Variants in CFAP299 observed in about 807,000 individuals in gnomAD.
CFAP299 encodes cilia- and flagella-associated protein 299.
Under a neutral mutation model 27.0 loss-of-function variants are expected in CFAP299, and 21 were observed. That is an observed-to-expected ratio of 0.78 (90% CI 0.55 to 1.12). The LOEUF (loss-of-function observed/expected upper bound fraction) is 1.12. Among genes scored for constraint, CFAP299 ranks in the 50% most tolerant of loss-of-function variants. The pLI is 0.00. For synonymous variants in CFAP299, 104 were observed against 98.1 expected (o/e 1.06, Z -0.36); for missense variants, 310 against 276.6 (o/e 1.12, Z -0.86).
intron 3 of CFAP299, among the ~76,000 whole-genome samples, chr4:80,813,695 T>G: frequency 6.6e-6 from 1 of 151,950 alleles, no homozygotes; most frequent in Non-Finnish European, 1.5e-5. Flanking sequence ...ACATAAATTT[T>G]GGGTGAGGAA....
chr4:80,914,558 C>A (rs913414769), intron 4 of CFAP299, among the ~76,000 whole-genome samples: 1 of 152,130 alleles, frequency 6.6e-6, no homozygotes, highest in African/African-American at 2.4e-5. Context: ...TGGAGGAAAA[C>A]GCCTCCCCAT....
chr4:80,650,895 A>G (rs1245734558), intron 3 of CFAP299, among the ~76,000 whole-genome samples: 2 of 152,086 alleles, frequency 1.3e-5, no homozygotes, highest in Non-Finnish European at 2.9e-5. Context: ...ATATAAGACT[A>G]CAAACTGGGT....
chr4:80,795,204 C>T (rs1335338303), intron 3 of CFAP299, among the ~76,000 whole-genome samples: 1 of 152,188 alleles, frequency 6.6e-6, no homozygotes, highest in Non-Finnish European at 1.5e-5. Flanking sequence ...ATCCACATAC[C>T]TATTCTCCAA....
chr4:80,862,182 C>T (rs1343923880), intron 3 of CFAP299, among the ~76,000 whole-genome samples: 3 of 152,086 alleles, frequency 2.0e-5, no homozygotes, highest in Non-Finnish European at 4.4e-5. Flanking sequence ...CCAGCCTAGT[C>T]AACATGGTGA....
rs61132710 is a variant in CFAP299 at position 80,885,343 on chromosome 4, G to C, written c.476+15208G>C. Among the ~76,000 whole-genome samples the C allele has an allele frequency of 4.6e-3, 700 of 152,298 alleles. 3 individuals carry two copies. Among genetic ancestry groups the C allele is most frequent in the African/African-American group, 0.016 (663 of 41,560 alleles). On this transcript the variant is annotated intron_variant, in intron 4 of 5. Transcript: ENST00000358105. ...AATTCCTAGTGCTAGATTAGGCTTAGAGCCAGTGAACTACTGCGGAATGTG... is the reference window on the plus strand; with the variant it reads ...AATTCCTAGTGCTAGATTAGGCTTACAGCCAGTGAACTACTGCGGAATGTG...
chr4:80,837,774 GGGTAAATA>G lies in CFAP299; in HGVS notation c.334-32218_334-32211del, dbSNP rs529438906. On this transcript the variant is annotated intron_variant, in intron 3 of 5. Transcript: ENST00000358105. ...TGTGCATGCATCTTTATAGTAGAAT[GGGTAAATA>G]CCCAGTAATGGGATTGCTGGGTCAA... 3.0e-3 allele frequency among the ~76,000 whole-genome samples: 453 copies of G among 152,212 alleles called. 3 individuals are homozygous for G. The highest frequency in any genetic ancestry group is 0.011 in the African/African-American group (441 of 41,540).
chr4:80,742,732 G>A (rs967217767), intron 3 of CFAP299, among the ~76,000 whole-genome samples: 3 of 152,162 alleles, frequency 2.0e-5, no homozygotes, highest in African/African-American at 7.2e-5. Flanking sequence ...AAGATGATAT[G>A]TCTTTACATG....
intron 3 of CFAP299, among the ~76,000 whole-genome samples, chr4:80,798,772 A>G (rs1728020128): frequency 6.6e-6 from 1 of 152,010 alleles, no homozygotes; most frequent in African/African-American, 2.4e-5. Context: ...ATATTCCTTG[A>G]TTCTTCACAC....
chr4:80,901,103 A>C (rs1412005705), intron 4 of CFAP299, among the ~76,000 whole-genome samples: 1 of 152,156 alleles, frequency 6.6e-6, no homozygotes, highest in Non-Finnish European at 1.5e-5. Context: ...TACAGAGAGC[A>C]ATGAGAGCAA....
intron 2 of CFAP299, among the ~76,000 whole-genome samples, chr4:80,469,788 ACACT>A (rs1729891173): frequency 6.6e-6 from 1 of 152,234 alleles, no homozygotes; most frequent in East Asian, 1.9e-4. Flanking sequence ...GCTGAATTTG[ACACT>A]CAGTCCTATT....
intron 3 of CFAP299, among the ~76,000 whole-genome samples, chr4:80,693,109 T>TACTGTGGA (rs1720842023): frequency 6.6e-6 from 1 of 152,246 alleles, no homozygotes; most frequent in Non-Finnish European, 1.5e-5. Flanking sequence ...GACTGTAAAC[T>TACTGTGGA]AGTTCAACCA....
At chr4:80,603,964 C>T (rs1021698126) in intron 3 of CFAP299, among the ~76,000 whole-genome samples, 2 of 152,012 alleles carry the variant, frequency 1.3e-5, no homozygotes, top group East Asian at 1.9e-4. Context: ...CAACATGTTA[C>T]CTCATGTGGT....
At chr4:80,673,781 C>T (rs1235052693) in intron 3 of CFAP299, among the ~76,000 whole-genome samples, 1 of 149,920 alleles carries the variant, frequency 6.7e-6, no homozygotes, top group African/African-American at 2.5e-5. Flanking sequence ...GGCCTTCTGT[C>T]TCTTTTGATC....
At chr4:80,860,333 T>C (rs977346699) in intron 3 of CFAP299, among the ~76,000 whole-genome samples, 9 of 152,196 alleles carry the variant, frequency 5.9e-5, no homozygotes, top group Admixed American at 1.3e-4. Context: ...TCAAAGTTTT[T>C]AACTTCTTTG....
intron 2 of CFAP299, among the ~76,000 whole-genome samples, chr4:80,425,546 C>T (rs114392406): frequency 0.015 from 2,336 of 152,230 alleles, 62 homozygotes; most frequent in African/African-American, 0.052. Flanking sequence ...GGATAATGTT[C>T]AGTGTTATTT....
At chr4:80,833,033 C>A (rs909406356) in intron 3 of CFAP299, among the ~76,000 whole-genome samples, 5 of 151,924 alleles carry the variant, frequency 3.3e-5, no homozygotes, top group African/African-American at 1.2e-4. Flanking sequence ...ATATTAATAA[C>A]TGAAAGTATT....
chr4:80,536,395 G>C (rs751556637), intron 2 of CFAP299, among the ~76,000 whole-genome samples: 1 of 152,010 alleles, frequency 6.6e-6, no homozygotes, highest in Non-Finnish European at 1.5e-5. Context: ...TAGTATATAC[G>C]TATCGTTTGA....
intron 2 of CFAP299, among the ~76,000 whole-genome samples, chr4:80,479,043 G>T (rs557778292): frequency 6.6e-6 from 1 of 151,714 alleles, no homozygotes; most frequent in Non-Finnish European, 1.5e-5. Flanking sequence ...TATCAAATAG[G>T]TATAAATTGT....
intron 2 of CFAP299, among the ~76,000 whole-genome samples, chr4:80,502,810 C>T (rs1731808677): frequency 6.6e-6 from 1 of 152,098 alleles, no homozygotes; most frequent in Admixed American, 6.6e-5. Context: ...ATGGCTTCAA[C>T]TATTGATAAC....
Sources: allele counts gnomAD v4.1 joint callset (sites outside exome capture counted in the v4.1 genomes callset), GRCh38; gene constraint gnomAD v4.1.1; transcripts MANE v1.5; gene names NCBI Gene and HGNC (gene_info 2026-07-23, HGNC 2026-07-21).